Variants in ADAMTS3 observed in about 807,000 individuals in gnomAD.
The protein encoded by ADAMTS3 is A disintegrin and metalloproteinase with thrombospondin motifs 3.
In ADAMTS3, 73 loss-of-function variants were observed where a neutral mutation model predicts 129.0. That is an observed-to-expected ratio of 0.57 (90% CI 0.47 to 0.69). The LOEUF (loss-of-function observed/expected upper bound fraction) is 0.69. Ranked by LOEUF, ADAMTS3 falls within the 30% of genes least tolerant of loss-of-function variation. The probability of loss-of-function intolerance (pLI) is 0.00; values close to 1 mark genes in which losing one functional copy is unlikely to be tolerated. For missense variants in ADAMTS3, 1,457 were observed against 1,514.5 expected, an observed-to-expected ratio of 0.96 and a Z score of 0.63; for synonymous variants, 477 against 510.8, an observed-to-expected ratio of 0.93 and a Z score of 0.89.
chr4:72,440,227 T>C (rs1718072172), intron 3 of ADAMTS3, among the ~76,000 whole-genome samples: 1 of 151,766 alleles, frequency 6.6e-6, no homozygotes, highest in Non-Finnish European at 1.5e-5. Flanking sequence ...CAAAATTCAG[T>C]AGACATGAAG....
intron 3 of ADAMTS3, among the ~76,000 whole-genome samples, chr4:72,469,865 A>C (rs1719017855): frequency 6.6e-6 from 1 of 152,160 alleles, no homozygotes; most frequent in African/African-American, 2.4e-5. Flanking sequence ...ACGTTATTGT[A>C]AGAATACAGT....
At position 72,502,379 on chromosome 4, in the gene ADAMTS3, T is replaced by C. The variant is rs1032760300; in HGVS notation, c.504+46099A>G. 4.6e-5 allele frequency among the ~76,000 whole-genome samples: 7 copies of C among 152,300 alleles called. No homozygotes were observed. In the East Asian group the frequency reaches 7.7e-4, roughly 17 times the overall value. On this transcript the variant is annotated intron_variant, in intron 3 of 21. Coordinates refer to ENST00000286657, the MANE Select transcript of ADAMTS3 (RefSeq NM_014243.3). ...TTTCCAGGAATTTATTCATTTCCTC[T>C]AGATTTTCTAGTTTGTGTGTACATA... is the stretch of plus-strand genomic sequence containing the variant.
intron 3 of ADAMTS3, among the ~76,000 whole-genome samples, chr4:72,477,816 G>C (rs565960328): frequency 1.2e-3 from 178 of 152,136 alleles, no homozygotes; most frequent in African/African-American, 4.0e-3. Flanking sequence ...AAGAAAAAAA[G>C]TGAGAAGAAT....
chr4:72,495,518 G>A (rs1419158840), intron 3 of ADAMTS3, among the ~76,000 whole-genome samples: 2 of 152,000 alleles, frequency 1.3e-5, no homozygotes, highest in East Asian at 3.9e-4. Context: ...AGGAGACACT[G>A]ACTACCTTTT....
chr4:72,520,952 T>C (rs1220137273), intron 3 of ADAMTS3, among the ~76,000 whole-genome samples: 1 of 152,076 alleles, frequency 6.6e-6, no homozygotes, highest in African/African-American at 2.4e-5. Flanking sequence ...CTGGGAGCTG[T>C]AGACTAGCGC....
chr4:72,414,942 C>T lies in ADAMTS3; in HGVS notation c.534G>A (p.Glu178=). The T allele has an allele frequency of 6.4e-7, 1 of 1,554,728 alleles. No individual in the cohort carries two copies. Among genetic ancestry groups the T allele is most frequent in the African/African-American group, 1.4e-5 (1 of 71,396 alleles). ...CTCTTTCCAAGGGTTCAATGAAATACTCTTCATTATCACTTTTTATCATTC... is the reference window on the plus strand; with the variant it reads ...CTCTTTCCAAGGGTTCAATGAAATATTCTTCATTATCACTTTTTATCATTC... ...LAGMIKSDNE[E]YFIEPLERGK... Residue 178 remains glutamate (E), a synonymous_variant, in exon 4 of 22, where the codon GAG becomes GAA. Transcript: ENST00000286657.
chr4:72,476,207 A>C (rs566805078), intron 3 of ADAMTS3, among the ~76,000 whole-genome samples: 1 of 152,002 alleles, frequency 6.6e-6, no homozygotes, highest in Non-Finnish European at 1.5e-5. Context: ...TGAAAAGATC[A>C]ATAAAACTGA....
At chr4:72,389,564 C>T (rs1292152453) in intron 4 of ADAMTS3, among the ~76,000 whole-genome samples, 2 of 151,572 alleles carry the variant, frequency 1.3e-5, no homozygotes, top group Non-Finnish European at 2.9e-5. Context: ...GAAACTATCC[C>T]TCATGAAAGT....
At chr4:72,323,326 A>C (rs962917825) in intron 5 of ADAMTS3, 2 of 501,620 alleles carry the variant, frequency 4.0e-6, no homozygotes, top group African/African-American at 1.9e-5. Flanking sequence ...CGTACAGGAC[A>C]TGCTCAAAAG....
intron 3 of ADAMTS3, among the ~76,000 whole-genome samples, chr4:72,540,965 T>C (rs1721307117): frequency 6.6e-6 from 1 of 152,198 alleles, no homozygotes; most frequent in South Asian, 2.1e-4. Flanking sequence ...ACAGAGTCCC[T>C]ACTGGAGTAC....
intron 2 of ADAMTS3, among the ~76,000 whole-genome samples, chr4:72,564,883 T>C (rs143757519): frequency 6.6e-6 from 1 of 152,292 alleles, no homozygotes; most frequent in African/African-American, 2.4e-5. Flanking sequence ...CCTGTGACTC[T>C]AGTTACAAAG....
chr4:72,453,480 G>A (rs1718462239), intron 3 of ADAMTS3, among the ~76,000 whole-genome samples: 1 of 151,762 alleles, frequency 6.6e-6, no homozygotes, highest in Non-Finnish European at 1.5e-5. Context: ...TGTTATCCCT[G>A]TTAGACAGAT....
chr4:72,380,713 C>T (rs1721265033), intron 4 of ADAMTS3, among the ~76,000 whole-genome samples: 1 of 152,046 alleles, frequency 6.6e-6, no homozygotes, highest in Admixed American at 6.6e-5. Context: ...CTCTAGTCTA[C>T]AATATTAAAT....
intron 4 of ADAMTS3, among the ~76,000 whole-genome samples, chr4:72,413,077 C>T (rs1245484641): frequency 2.6e-5 from 4 of 151,830 alleles, no homozygotes; most frequent in African/African-American, 4.8e-5. Context: ...AACTTTATTA[C>T]TTCAAGAAAA....
At chr4:72,359,037 G>T (rs1229902972) in intron 4 of ADAMTS3, among the ~76,000 whole-genome samples, 1 of 151,950 alleles carries the variant, frequency 6.6e-6, no homozygotes, top group African/African-American at 2.4e-5. Context: ...TGAGAAAAAA[G>T]CTGAAGAGAC....
intron 4 of ADAMTS3, among the ~76,000 whole-genome samples, chr4:72,389,183 T>A (rs1016663860): frequency 2.0e-5 from 3 of 152,168 alleles, no homozygotes; most frequent in Non-Finnish European, 2.9e-5. Context: ...TGACCAACCT[T>A]GCAAGGAGGC....
At chr4:72,462,153 A>T (rs1718786758) in intron 3 of ADAMTS3, among the ~76,000 whole-genome samples, 1 of 151,902 alleles carries the variant, frequency 6.6e-6, no homozygotes, top group Non-Finnish European at 1.5e-5. Flanking sequence ...GCAAGTGCAC[A>T]CTTAAAGAGT....
chr4:72,371,767 G>T (rs927822409), intron 4 of ADAMTS3, among the ~76,000 whole-genome samples: 1 of 151,864 alleles, frequency 6.6e-6, no homozygotes, highest in Non-Finnish European at 1.5e-5. Context: ...TATGAATAAC[G>T]CAATTAACAA....
At chr4:72,295,888 A>G in intron 18 of ADAMTS3, 102 bp from the exon 19 acceptor site, 1 of 1,429,978 alleles carries the variant, frequency 7.0e-7, no homozygotes, top group Non-Finnish European at 9.5e-7. Flanking sequence ...TCCATTCAAT[A>G]AATATGTATT....
Sources: gnomAD v4.1 joint callset for allele counts (sites outside exome capture counted in the v4.1 genomes callset) on GRCh38, gnomAD v4.1.1 for gene constraint, MANE v1.5 for transcripts, NCBI Gene and HGNC (gene_info 2026-07-23, HGNC 2026-07-21) for gene names.